The following SLC2A7 variants were observed in gnomAD, a reference collection of about 807,000 sequenced individuals.
The protein encoded by SLC2A7 is solute carrier family 2, facilitated glucose transporter member 7.
SLC2A7 carries 50 observed loss-of-function variants against 50.5 expected under a neutral mutation model. That is an observed-to-expected ratio of 0.99 (90% CI 0.79 to 1.25). SLC2A7 has a LOEUF of 1.25. Among genes scored for constraint, SLC2A7 ranks in the 50% most tolerant of loss-of-function variants. SLC2A7 has a pLI of 0.00. For synonymous variants in SLC2A7, 308 were observed against 300.4 expected, an observed-to-expected ratio of 1.03 and a Z score of -0.26; for missense variants, 683 against 679.1, an observed-to-expected ratio of 1.01 and a Z score of -0.06.
Position 9,003,428 on chromosome 1 carries a change from C to G in SLC2A7, c.1411G>C (p.Gly471Arg), listed in dbSNP as rs1426295886. The change falls in exon 12 of 12, where the codon GGC becomes CGC. Residue 471 changes from glycine (G) to arginine (R), a missense_variant. Coordinates refer to ENST00000400906, the MANE Select transcript of SLC2A7 (RefSeq NM_207420.3). ...CGGTTTATCTCCACAAATGTTTTGC[C>G]CTTGGTCTCCGGAATAACCACGTAG... is the stretch of plus-strand genomic sequence containing the variant. ...YIYVVIPETK[G>R]KTFVEINRIF... The G allele has an allele frequency of 1.2e-6, 2 of 1,614,060 alleles. No homozygotes were observed. Among genetic ancestry groups the G allele is most frequent in the Admixed American group, 3.3e-5 (2 of 59,994 alleles).
intron 3 of SLC2A7, among the ~76,000 whole-genome samples, chr1:9,020,826 G>C (rs540928087): frequency 6.6e-6 from 1 of 152,116 alleles, no homozygotes; most frequent in South Asian, 2.1e-4. Context: ...GAGGGACCTG[G>C]TGGCAGGTCT....
At chr1:8,996,822 C>T in the SLC2A7 span, among the ~76,000 whole-genome samples, 831 of 151,968 alleles carry the variant, frequency 5.5e-3, 12 homozygotes, top group African/African-American at 0.02. Flanking sequence ...GCTCTTGTTG[C>T]TGGAGGGCAA....
the SLC2A7 span, among the ~76,000 whole-genome samples, chr1:8,995,745 CA>C: frequency 5.9e-5 from 9 of 151,996 alleles, no homozygotes; most frequent in East Asian, 5.8e-4. Context: ...AAGTCTGTCT[CA>C]AAAAAAATTT....
In SLC2A7 at chr1:9,008,789, G is replaced by T. The variant is rs965078192; in HGVS notation, c.1116+1354C>A. 6.6e-6 allele frequency among the ~76,000 whole-genome samples: 1 copy of T among 152,082 alleles called. No homozygotes were observed. ...ATTTTGTATTTTTAATAGAGACGGGGTTTCACCACGTGGTCAGGCTGCTCT... is the reference window on the plus strand; with the variant it reads ...ATTTTGTATTTTTAATAGAGACGGGTTTTCACCACGTGGTCAGGCTGCTCT... On this transcript the variant is annotated intron_variant, in intron 9 of 11. Coordinates refer to ENST00000400906, the MANE Select transcript of SLC2A7 (RefSeq NM_207420.3). The surrounding 1 kb of genome is among the most constrained non-coding windows in gnomAD (Gnocchi z 5.9).
intron 9 of SLC2A7, among the ~76,000 whole-genome samples, 157 bp downstream of exon 9, chr1:9,009,986 C>T (rs559245022): frequency 6.6e-6 from 1 of 152,354 alleles, no homozygotes; most frequent in South Asian, 2.1e-4. Flanking sequence ...GTGACATTCA[C>T]TTCAGGATGG....
At chr1:9,017,278 C>T (rs1259603363) in intron 5 of SLC2A7, among the ~76,000 whole-genome samples, 2 of 152,190 alleles carry the variant, frequency 1.3e-5, no homozygotes, top group Admixed American at 1.3e-4. Context: ...TGAGATCGCG[C>T]CATTGCACTC....
Position 9,026,347 on chromosome 1 carries a change from C to A in SLC2A7, c.-2G>T, listed in dbSNP as rs947265495. ...GGTTCCCGCCTCTTTGTTCTCCATCCTTGTTCAGGTGGGAGAACAGGTGTG... is the reference window on the plus strand; with the variant it reads ...GGTTCCCGCCTCTTTGTTCTCCATCATTGTTCAGGTGGGAGAACAGGTGTG... On this transcript the variant is annotated 5_prime_UTR_variant, in exon 1 of 12. The change creates a new upstream start codon in the 5' untranslated region. Coordinates refer to ENST00000400906, the MANE Select transcript of SLC2A7 (RefSeq NM_207420.3). 6.2e-7 allele frequency: 1 copy of A among 1,605,312 alleles called. No individual in the cohort carries two copies. The highest frequency in any genetic ancestry group is 8.5e-7 in the Non-Finnish European group (1 of 1,175,570).
chr1:8,995,276 G>A, the SLC2A7 span, among the ~76,000 whole-genome samples: 4 of 151,492 alleles, frequency 2.6e-5, no homozygotes, highest in South Asian at 2.1e-4. Flanking sequence ...GTGAAACCCC[G>A]TCTCTACTAA....
chr1:9,001,961 G>C (rs967104415), downstream of SLC2A7, among the ~76,000 whole-genome samples: 1 of 152,208 alleles, frequency 6.6e-6, no homozygotes, highest in African/African-American at 2.4e-5. Flanking sequence ...CCCCAACCCT[G>C]TGCTCGCAGA....
chr1:8,994,729 G>A, the SLC2A7 span, among the ~76,000 whole-genome samples: 1 of 152,090 alleles, frequency 6.6e-6, no homozygotes, highest in Non-Finnish European at 1.5e-5. Flanking sequence ...GCCAAGCGGA[G>A]ACTAGACTTC....
Position 9,003,381 on chromosome 1 carries a change from C to G in SLC2A7, c.1458G>C (p.Arg486Ser). 6.2e-7 allele frequency: 1 copy of G among 1,614,196 alleles called. No homozygotes were observed. The highest frequency in any genetic ancestry group is 1.7e-5 in the Admixed American group (1 of 60,022). ...CTTCTTTCTCCTCTGGAAGCTTCAC[C>G]CTGTTTCTCTTGGCAAAAATGCGGT... ...EINRIFAKRNRVKLPEEKEET... is the reference protein window; with the variant it reads ...EINRIFAKRNSVKLPEEKEET... The change falls in exon 12 of 12, where the codon AGG (arginine) becomes AGC (serine). Residue 486 changes from arginine (R) to serine (S), a missense_variant. By Grantham distance (110) the Arg-to-Ser change is moderately radical. Coordinates refer to ENST00000400906, the MANE Select transcript of SLC2A7 (RefSeq NM_207420.3).
the SLC2A7 span, among the ~76,000 whole-genome samples, chr1:8,997,311 A>C: frequency 1.3e-5 from 2 of 152,214 alleles, no homozygotes; most frequent in African/African-American, 2.4e-5. Flanking sequence ...GTTTCTTAAA[A>C]AAACAAACAA....
At chr1:9,000,770 G>GTGTGTA (rs1183508286), downstream of SLC2A7, among the ~76,000 whole-genome samples, 1 of 151,506 alleles carries the variant, frequency 6.6e-6, no homozygotes, top group African/African-American at 2.4e-5. Flanking sequence ...GTGTGTGTGT[G>GTGTGTA]TGTGTGTGTG....
At chr1:9,005,135 G>A (rs1047905374) in intron 10 of SLC2A7, among the ~76,000 whole-genome samples, 1 of 152,194 alleles carries the variant, frequency 6.6e-6, no homozygotes, top group Admixed American at 6.5e-5. Flanking sequence ...GGCCAATGAC[G>A]CTCCATGAAG....
At chr1:9,014,556 G>T in intron 7 of SLC2A7, 125 bp downstream of exon 7, 2 of 1,159,370 alleles carry the variant, frequency 1.7e-6, no homozygotes, top group Non-Finnish European at 2.4e-6. Flanking sequence ...CTGACATCTG[G>T]CTCTGCCTGG....
rs540199218 is a variant in SLC2A7, at chr1:9,008,071, C to T, written c.1117-686G>A. ...ACCATTCTCTGGAGACTCCTAGGAC[C>T]CCCGGACCCGTGGAGCTGGCAGACC... On this transcript the variant is annotated intron_variant, in intron 9 of 11. Transcript: ENST00000400906. The surrounding 1 kb of genome is among the most constrained non-coding windows in gnomAD (Gnocchi z 5.9). 2.3e-4 allele frequency among the ~76,000 whole-genome samples: 35 copies of T among 152,172 alleles called. No individual in the cohort carries two copies. In the East Asian group the frequency reaches 6.8e-3, roughly 29 times the overall value.
chr1:8,997,693 C>T, the SLC2A7 span, among the ~76,000 whole-genome samples: 33 of 152,200 alleles, frequency 2.2e-4, no homozygotes, highest in African/African-American at 4.8e-4. Flanking sequence ...CCACGGCGCC[C>T]GGCCAGCTTT....
chr1:9,001,644 C>T (rs1330884531), downstream of SLC2A7, among the ~76,000 whole-genome samples: 1 of 152,084 alleles, frequency 6.6e-6, no homozygotes, highest in Admixed American at 6.6e-5. Flanking sequence ...TCTCGAACTC[C>T]TGAGCTCAGG....
Position 9,025,013 on chromosome 1 carries a change from T to C in SLC2A7, c.113A>G (p.Tyr38Cys). Residue 38 changes from tyrosine (Y) to cysteine (C), a missense_variant, in exon 2 of 12, where the codon TAC becomes TGC. Transcript: ENST00000400906. ...LSAAFGSAFQ[Y>C]GYNLSVVNTP... is the part of the protein sequence containing the mutation. The stretch of plus-strand genomic sequence containing the variant: ...GTTGACCACAGAGAGGTTGTAGCCG[T>C]ACTGGAAGGCTGAGCCAAAGGCCGC... The C allele has an allele frequency of 1.2e-6, 2 of 1,613,706 alleles. No homozygotes were observed. Among genetic ancestry groups the C allele is most frequent in the Non-Finnish European group, 1.7e-6 (2 of 1,180,002 alleles).
Sources: allele counts gnomAD v4.1 joint callset (sites outside exome capture counted in the v4.1 genomes callset), GRCh38; gene constraint gnomAD v4.1.1; non-coding constraint Gnocchi (gnomAD v3.1); transcripts MANE v1.5; gene names NCBI Gene and HGNC (gene_info 2026-07-23, HGNC 2026-07-21).